ITPR2: variants seen among roughly 807,000 people sequenced by gnomAD.
The protein encoded by ITPR2 is inositol 1,4,5-trisphosphate-gated calcium channel ITPR2.
In ITPR2, 207 loss-of-function variants were observed where a neutral mutation model predicts 317.1. The ratio of observed to expected loss-of-function variants is 0.65; its 90% confidence interval spans 0.58 to 0.73. ITPR2 has a LOEUF of 0.73. Among genes scored for constraint, ITPR2 ranks in the 30% least tolerant of loss-of-function variants. ITPR2 has a pLI of 0.00. For synonymous variants in ITPR2, 1,156 were observed against 1,149.1 expected (o/e 1.01, Z -0.12); for missense variants, 2,613 against 3,284.0 (o/e 0.80, Z 4.99).
intron 26 of ITPR2, among the ~76,000 whole-genome samples, chr12:26,611,176 C>A (rs913090471): frequency 7.2e-5 from 11 of 152,166 alleles, no homozygotes; most frequent in Admixed American, 2.6e-4. Flanking sequence ...GGGGAAGAAG[C>A]CACGGGTCCT....
intron 51 of ITPR2, among the ~76,000 whole-genome samples, chr12:26,411,884 T>G (rs1160706617): frequency 6.6e-6 from 1 of 152,124 alleles, no homozygotes; most frequent in Non-Finnish European, 1.5e-5. Flanking sequence ...ATCATATGCC[T>G]TGGGGAGCAA....
chr12:26,608,931 G>C (rs1946201338), intron 26 of ITPR2, among the ~76,000 whole-genome samples: 1 of 152,132 alleles, frequency 6.6e-6, no homozygotes. Context: ...TTGGTCAACA[G>C]AATGGCATTT....
intron 39 of ITPR2, among the ~76,000 whole-genome samples, chr12:26,489,803 C>T (rs1463990132): frequency 6.6e-6 from 1 of 152,166 alleles, no homozygotes; most frequent in Non-Finnish European, 1.5e-5. Flanking sequence ...CTCAGTATGA[C>T]AGAAGCAGGG....
At chr12:26,677,033 G>C (rs1289188358) in intron 13 of ITPR2, among the ~76,000 whole-genome samples, 2 of 152,082 alleles carry the variant, frequency 1.3e-5, no homozygotes, top group Admixed American at 6.6e-5. Flanking sequence ...GAAAATAATA[G>C]TAACTTCAAG....
At chr12:26,655,039 C>T (rs973574586) in intron 20 of ITPR2, among the ~76,000 whole-genome samples, 1 of 152,170 alleles carries the variant, frequency 6.6e-6, no homozygotes, top group Non-Finnish European at 1.5e-5. Flanking sequence ...CAGTAGGTAG[C>T]TAATACACCA....
At chr12:26,801,437 G>C (rs1950554101) in intron 1 of ITPR2, 1 of 152,512 alleles carries the variant, frequency 6.6e-6, no homozygotes, top group Admixed American at 6.5e-5. Flanking sequence ...TCCTCCATAA[G>C]GATGATGATA....
chr12:26,579,248 C>T (rs1945339911), intron 33 of ITPR2, among the ~76,000 whole-genome samples: 1 of 152,020 alleles, frequency 6.6e-6, no homozygotes, highest in Non-Finnish European at 1.5e-5. Context: ...TCCTATGGTT[C>T]TATCTAATAG....
intron 22 of ITPR2, 42 bp from the exon 23 acceptor site, chr12:26,628,204 C>G: frequency 6.7e-7 from 1 of 1,503,096 alleles, no homozygotes; most frequent in Non-Finnish European, 9.1e-7. Flanking sequence ...CTTTCATTAG[C>G]ATAGTATTTA....
At chr12:26,788,833 A>G (rs1016214924) in intron 2 of ITPR2, among the ~76,000 whole-genome samples, 1 of 151,972 alleles carries the variant, frequency 6.6e-6, no homozygotes, top group African/African-American at 2.4e-5. Context: ...TCATCTTTAC[A>G]CAATGTGCTA....
chr12:26,529,940 A>T (rs532199427), intron 37 of ITPR2, among the ~76,000 whole-genome samples: 2 of 152,224 alleles, frequency 1.3e-5, no homozygotes, highest in Admixed American at 6.5e-5. Context: ...TCACAACTGT[A>T]TCTTCAGTAA....
At chr12:26,600,219 T>C in intron 28 of ITPR2, 110 bp from the exon 29 acceptor site, 1 of 847,818 alleles carries the variant, frequency 1.2e-6, no homozygotes, top group African/African-American at 1.7e-5. Context: ...CCATCTTTGA[T>C]CTCCTTTCTC....
intron 2 of ITPR2, among the ~76,000 whole-genome samples, chr12:26,751,727 G>A (rs1013922680): frequency 9.2e-5 from 14 of 152,018 alleles, no homozygotes; most frequent in East Asian, 1.9e-4. Context: ...TTAGCCAGGC[G>A]TGGTGGTGGG....
chr12:26,686,876 C>T (rs183383261), intron 10 of ITPR2, among the ~76,000 whole-genome samples: 4 of 152,286 alleles, frequency 2.6e-5, no homozygotes, highest in Non-Finnish European at 5.9e-5. Context: ...AAGGCACTAA[C>T]GGTACCAATA....
rs138578708 is a variant in ITPR2, at chr12:26,632,878, A to T, written c.2741-819T>A. On this transcript the variant is annotated intron_variant, in intron 21 of 56. Coordinates refer to ENST00000381340, the MANE Select transcript of ITPR2 (RefSeq NM_002223.4). ...TGACCACAAATAGCTGTATCCAAGG[A>T]TCCTCCTTAACACTATGACAATTTA... Among the ~76,000 whole-genome samples the T allele has an allele frequency of 2.1e-3, 326 of 152,300 alleles. 1 individual carries two copies. The highest frequency in any genetic ancestry group is 7.7e-3 in the African/African-American group (318 of 41,558).
chr12:26,818,014 G>A (rs1950887564), intron 1 of ITPR2, among the ~76,000 whole-genome samples: 1 of 152,016 alleles, frequency 6.6e-6, no homozygotes, highest in African/African-American at 2.4e-5. Flanking sequence ...ATGGAAGAAG[G>A]GAAAAATGAA....
In ITPR2 at chr12:26,530,278, C is replaced by A. The variant is rs552323437; in HGVS notation, c.5073+19969G>T. ...TCAGAAAACCAGCTAACATCTCAAA[C>A]ACTTATTCTGGAATTTTCTACACCT... is the stretch of plus-strand genomic sequence containing the variant. On this transcript the variant is annotated intron_variant, in intron 37 of 56. Coordinates refer to ENST00000381340, the MANE Select transcript of ITPR2 (RefSeq NM_002223.4). Among the ~76,000 whole-genome samples, 6 of 152,308 alleles carry A rather than the reference C, an allele frequency of 3.9e-5. No homozygotes were observed. In the South Asian group the frequency reaches 1.0e-3, roughly 26 times the overall value.
At chr12:26,599,022 G>T in intron 30 of ITPR2, 123 bp downstream of exon 30, 1 of 826,996 alleles carries the variant, frequency 1.2e-6, no homozygotes, top group Non-Finnish European at 2.0e-6. Flanking sequence ...CACTTGAGTA[G>T]TCATGATTAA....
chr12:26,701,257 G>A (rs1197397028), intron 9 of ITPR2, among the ~76,000 whole-genome samples: 7 of 152,158 alleles, frequency 4.6e-5, no homozygotes, highest in Non-Finnish European at 8.8e-5. Flanking sequence ...GAAGCAGACC[G>A]TAAGTTTTTA....
At position 26,818,396 on chromosome 12, in the gene ITPR2, C is replaced by T. The variant is rs375151771; in HGVS notation, c.92+14294G>A. Among the ~76,000 whole-genome samples, 182 of 152,256 alleles carry T rather than the reference C, an allele frequency of 1.2e-3. 2 individuals carry two copies. The Middle Eastern group carries it at 0.014, about 11-fold the overall frequency. On this transcript the variant is annotated intron_variant, in intron 1 of 56. Transcript: ENST00000381340. Reference sequence around the variant, plus strand: ...AGCCACTGAGACTTTTTGAAAGGATCCATTTGGTTTCTCCCCTAACAGATA... The same window carrying T: ...AGCCACTGAGACTTTTTGAAAGGATTCATTTGGTTTCTCCCCTAACAGATA...
Sources: gnomAD v4.1 joint callset for allele counts (sites outside exome capture counted in the v4.1 genomes callset) on GRCh38, gnomAD v4.1.1 for gene constraint, MANE v1.5 for transcripts, NCBI Gene and HGNC (gene_info 2026-07-23, HGNC 2026-07-21) for gene names.